The following HIP1 variants were observed in gnomAD, a reference collection of about 807,000 sequenced individuals.
HIP1 encodes huntingtin interacting protein 1.
A neutral mutation model predicts 147.6 loss-of-function variants in HIP1; 65 were observed. The ratio of observed to expected loss-of-function variants is 0.44; its 90% CI spans 0.36 to 0.54. The LOEUF (loss-of-function observed/expected upper bound fraction) is 0.54. Among genes scored for constraint, HIP1 ranks in the 20% least tolerant of loss-of-function variants. The pLI is 0.00. For synonymous variants in HIP1, 479 were observed against 504.0 expected (o/e 0.95, Z 0.67); for missense variants, 1,061 against 1,299.6 (o/e 0.82, Z 2.82).
intron 1 of HIP1, among the ~76,000 whole-genome samples, chr7:75,703,036 GA>G (rs1359001634): frequency 6.6e-6 from 1 of 151,982 alleles, no homozygotes; most frequent in African/African-American, 2.4e-5. Flanking sequence ...TTCTGGTAGA[GA>G]AAAAAATTGA....
chr7:75,697,410 A>AG (rs1800674192), intron 1 of HIP1, among the ~76,000 whole-genome samples: 1 of 152,110 alleles, frequency 6.6e-6, no homozygotes, highest in African/African-American at 2.4e-5. Context: ...ACAGTTCTCT[A>AG]AGAAAAAGAA....
intron 1 of HIP1, among the ~76,000 whole-genome samples, chr7:75,706,623 ATT>A (rs71082342): frequency 0.019 from 1,966 of 103,626 alleles, 14 homozygotes; most frequent in Middle Eastern, 0.031. Context: ...TCAACTCGTC[ATT>A]TTTTTTTTTT....
intron 26 of HIP1, 119 bp from the exon 27 acceptor site, chr7:75,544,919 CTGTG>C: frequency 1.3e-6 from 1 of 763,778 alleles, no homozygotes; most frequent in South Asian, 1.6e-5. Flanking sequence ...GCTGCCTGCC[CTGTG>C]TCCCCTGGGA....
At chr7:75,611,946 C>A in intron 1 of HIP1, 2 of 891,504 alleles carry the variant, frequency 2.2e-6, no homozygotes, top group Non-Finnish European at 2.7e-6. Context: ...CAGGCAGTGG[C>A]CAATGGGAAA....
At chr7:75,685,099 TAA>T (rs1355046918) in intron 1 of HIP1, among the ~76,000 whole-genome samples, 4 of 150,858 alleles carry the variant, frequency 2.7e-5, no homozygotes, top group African/African-American at 9.7e-5. Flanking sequence ...TCAAAAAAAA[TAA>T]ATAAATAAAA....
At position 75,533,862 on chromosome 7, in the gene HIP1, C is replaced by T; in HGVS notation, c.*4310G>A. ...TTTGCTGCGCCGATGGCTGGCAGGTCCGTGGTGGTGGTTTTCTATGCTACA... is the reference window on the plus strand; with the variant it reads ...TTTGCTGCGCCGATGGCTGGCAGGTTCGTGGTGGTGGTTTTCTATGCTACA... On this transcript the variant is annotated 3_prime_UTR_variant, in exon 31 of 31. Transcript: ENST00000336926. 4.3e-6 allele frequency: 1 copy of T among 235,194 alleles called. No individual in the cohort carries two copies. Among genetic ancestry groups the T allele is most frequent in the Non-Finnish European group, 8.4e-6 (1 of 119,324 alleles). 14.6% of individuals were successfully genotyped at this position (235,194 alleles called of 1,614,324 possible).
intron 5 of HIP1, among the ~76,000 whole-genome samples, chr7:75,583,756 T>TGTGTGTGTG (rs1796144551): frequency 9.5e-5 from 11 of 115,406 alleles, no homozygotes; most frequent in South Asian, 3.2e-4. Context: ...GCGGGCTAAT[T>TGTGTGTGTG]TGTGTGTGTG....
intron 1 of HIP1, among the ~76,000 whole-genome samples, chr7:75,601,544 C>T (rs1234431323): frequency 1.3e-5 from 2 of 151,216 alleles, no homozygotes; most frequent in Non-Finnish European, 2.9e-5. Context: ...TGCAGTGAGC[C>T]GAGATTCCAC....
At chr7:75,599,710 T>C (rs1431118821) in intron 1 of HIP1, among the ~76,000 whole-genome samples, 1 of 152,248 alleles carries the variant, frequency 6.6e-6, no homozygotes, top group East Asian at 1.9e-4. Context: ...GCACCGGCGG[T>C]GGTCACTAAG....
At chr7:75,660,993 C>T (rs1554513508) in intron 1 of HIP1, among the ~76,000 whole-genome samples, 1 of 152,030 alleles carries the variant, frequency 6.6e-6, no homozygotes, top group Non-Finnish European at 1.5e-5. Flanking sequence ...CAAGAGACAC[C>T]AAGTAGCCGG....
intron 1 of HIP1, among the ~76,000 whole-genome samples, chr7:75,713,226 G>T: frequency 6.6e-6 from 1 of 152,208 alleles, no homozygotes; most frequent in East Asian, 1.9e-4. Flanking sequence ...ACAGCCACCA[G>T]CCCTGGCTTT....
At chr7:75,570,025 C>T (rs587677494) in intron 8 of HIP1, among the ~76,000 whole-genome samples, 2 of 151,924 alleles carry the variant, frequency 1.3e-5, no homozygotes, top group South Asian at 4.1e-4. Flanking sequence ...ACCTCCGCCT[C>T]CCGGGTTCAA....
chr7:75,606,127 G>T (rs952841113), intron 1 of HIP1, among the ~76,000 whole-genome samples: 7 of 152,276 alleles, frequency 4.6e-5, no homozygotes, highest in Non-Finnish European at 8.8e-5. Flanking sequence ...GGGCTTATAG[G>T]TGTGAGACAC....
At chr7:75,666,342 G>A (rs1799560047) in intron 1 of HIP1, among the ~76,000 whole-genome samples, 1 of 151,748 alleles carries the variant, frequency 6.6e-6, no homozygotes, top group African/African-American at 2.4e-5. Context: ...GCTAATTTTT[G>A]TACATTCAGT....
rs557917766 is a variant in HIP1 at position 75,702,707 on chromosome 7, AGAGAAG to A, written c.120+36088_120+36093del. 3.9e-5 allele frequency among the ~76,000 whole-genome samples: 6 copies of A among 152,332 alleles called. No homozygotes were observed. In the East Asian group the frequency reaches 1.2e-3, roughly 29 times the overall value. ...GTGTTCATATGGATCCCATGGTTAC[AGAGAAG>A]GAGGAAAGACACTGCACTCCAGCCT... On this transcript the variant is annotated intron_variant, in intron 1 of 30. Coordinates refer to ENST00000336926, the MANE Select transcript of HIP1 (RefSeq NM_005338.7).
intron 28 of HIP1, among the ~76,000 whole-genome samples, chr7:75,542,273 G>A (rs773316134): frequency 1.6e-4 from 25 of 152,050 alleles, no homozygotes; most frequent in Non-Finnish European, 2.9e-4. Flanking sequence ...GTGGGCGCCT[G>A]TAATTCCAGC....
At position 75,594,817 on chromosome 7, in the gene HIP1, C is replaced by T. The variant is rs114285259; in HGVS notation, c.185-2303G>A. Among the ~76,000 whole-genome samples, 880 of 152,282 alleles carry T rather than the reference C, an allele frequency of 5.8e-3. 6 individuals are homozygous for T. The highest frequency in any genetic ancestry group is 0.02 in the African/African-American group (833 of 41,562). On this transcript the variant is annotated intron_variant, in intron 2 of 30. Coordinates refer to ENST00000336926, the MANE Select transcript of HIP1 (RefSeq NM_005338.7). ...CTCTGGCCTCACATGATTTTAAGTT[C>T]GGCTATTCCAGATCTCTGTCATTAG...
At chr7:75,596,139 G>A (rs1796733750) in intron 2 of HIP1, among the ~76,000 whole-genome samples, 1 of 150,550 alleles carries the variant, frequency 6.6e-6, no homozygotes, top group Non-Finnish European at 1.5e-5. Flanking sequence ...GCTGAGGTGG[G>A]AGGATCACTT....
Position 75,735,738 on chromosome 7 carries a change from C to T in HIP1, c.120+3063G>A, listed in dbSNP as rs186208548. Among the ~76,000 whole-genome samples the T allele has an allele frequency of 4.2e-3, 628 of 150,802 alleles. 2 individuals carry two copies. Among genetic ancestry groups the T allele is most frequent in the African/African-American group, 0.015 (601 of 41,110 alleles). ...TGGGGTCTCACTCTGTTGCCCAGGC[C>T]GGAATGCAGTGGCACAATCTTTGCT... On this transcript the variant is annotated intron_variant, in intron 1 of 30. Transcript: ENST00000336926.
Sources: gnomAD v4.1 joint callset for allele counts (sites outside exome capture counted in the v4.1 genomes callset) on GRCh38, gnomAD v4.1.1 for gene constraint, MANE v1.5 for transcripts, NCBI Gene and HGNC (gene_info 2026-07-23, HGNC 2026-07-21) for gene names.